The following FAM83E variants were observed in gnomAD, a reference collection of about 807,000 sequenced individuals.
FAM83E encodes protein FAM83E.
A neutral mutation model predicts 34.3 loss-of-function variants in FAM83E; 29 were observed. The ratio of observed to expected loss-of-function variants is 0.85; its 90% CI spans 0.63 to 1.15. The LOEUF is 1.15. Ranked by LOEUF, FAM83E falls within the 50% of genes most tolerant of loss-of-function variation. FAM83E has a pLI of 0.00. For synonymous variants in FAM83E, 312 were observed against 311.6 expected (o/e 1.00, Z -0.01); for missense variants, 697 against 685.0 (o/e 1.02, Z -0.20).
At chr19:48,602,821 ATTGT>A (rs918492265) in intron 6 of FAM83E, among the ~76,000 whole-genome samples, 17 of 65,310 alleles carry the variant, frequency 2.6e-4, no homozygotes, top group South Asian at 7.6e-4. Context: ...GTATTTATTT[ATTGT>A]TTATTATTAT....
At chr19:48,607,187 G>A (rs1261873164) in intron 5 of FAM83E, 1 of 1,613,112 alleles carries the variant, frequency 6.2e-7, no homozygotes, top group Non-Finnish European at 8.5e-7. Flanking sequence ...CGAGCCACCA[G>A]CTGCGGCCTT....
At chr19:48,606,904 C>G (rs1171380804) in intron 5 of FAM83E, 2 of 1,534,160 alleles carry the variant, frequency 1.3e-6, no homozygotes, top group Non-Finnish European at 1.7e-6. Flanking sequence ...CCTCAGAGGT[C>G]CTTCATTCAG....
In FAM83E at chr19:48,614,408, T is replaced by C. The variant is rs1050820853; in HGVS notation, c.-1036A>G. 4.2e-5 allele frequency: 41 copies of C among 985,386 alleles called. No individual in the cohort carries two copies. Among genetic ancestry groups the C allele is most frequent in the Non-Finnish European group, 4.8e-5 (40 of 830,076 alleles). The allele number at this position is 985,386 out of a possible 1,614,324, so 61.0% of individuals were successfully genotyped here. A position where few individuals can be genotyped will look rare whatever the true frequency, so the allele number is the denominator to read the frequency against. The stretch of plus-strand genomic sequence containing the variant: ...CCTACCCAAGCTGCCCCCAGCCTGG[T>C]TTCTGCCTAAATGCTATCTCCTGCC... On this transcript the variant is annotated 5_prime_UTR_variant, in exon 3 of 7. Transcript: ENST00000263266.
rs377136302 is a variant in FAM83E, at chr19:48,613,217, G to A, written c.156C>T (p.Arg52=). 1.5e-5 allele frequency: 24 copies of A among 1,610,844 alleles called. No homozygotes were observed. The highest frequency in any genetic ancestry group is 1.6e-4 in the Middle Eastern group (1 of 6,084). The change falls in exon 3 of 7, where the codon CGC becomes CGT. Residue 52 remains arginine (R), a synonymous_variant. Transcript: ENST00000263266. ...CACTGAGGAAGGGCCACAGCTCCTC[G>A]CGCTGCACGCAGGTCTGGAACGCCT... ...GAEAFQTCVQ[R]EELWPFLSAD...
Position 48,601,002 on chromosome 19 carries a change from G to A in FAM83E, c.*107C>T. 1 of 1,484,462 alleles carries A rather than the reference G, an allele frequency of 6.7e-7. No individual in the cohort carries two copies. The highest frequency in any genetic ancestry group is 8.9e-7 in the Non-Finnish European group (1 of 1,124,126). The allele number at this position is 1,484,462 out of a possible 1,614,324, so 92.0% of individuals were successfully genotyped here. A position where few individuals can be genotyped will look rare whatever the true frequency, so the allele number is the denominator to read the frequency against. ...ATCCCTTCTGCTTGACAGACGCCGA[G>A]GCCAGAAGCCTTGTCCAAGGCAGGG... On this transcript the variant is annotated 3_prime_UTR_variant, in exon 7 of 7. Coordinates refer to ENST00000263266, the MANE Select transcript of FAM83E (RefSeq NM_017708.4).
At chr19:48,611,515 T>A (rs1045905636) in intron 3 of FAM83E, among the ~76,000 whole-genome samples, 3 of 151,192 alleles carry the variant, frequency 2.0e-5, no homozygotes, top group Admixed American at 6.6e-5. Context: ...TTGCCCAGGC[T>A]GGAGTGCAGT....
rs1974098711 is a variant in FAM83E, at chr19:48,614,038, CCCA to C, written c.-669_-667del. On this transcript the variant is annotated 5_prime_UTR_variant, in exon 3 of 7. Coordinates refer to ENST00000263266, the MANE Select transcript of FAM83E (RefSeq NM_017708.4). ...CTGTCTCTGGCCAAATCTGACAGCC[CCCA>C]CGAGTTTCTCCTGCTCATCAGCTCT... 1 of 985,644 alleles carries C rather than the reference CCCA, an allele frequency of 1.0e-6. No homozygotes were observed. The highest frequency in any genetic ancestry group is 1.2e-6 in the Non-Finnish European group (1 of 830,114). The allele number at this position is 985,644 out of a possible 1,614,324, so 61.1% of individuals were successfully genotyped here.
intron 4 of FAM83E, among the ~76,000 whole-genome samples, chr19:48,610,398 CAAAAA>C (rs71179016): frequency 3.5e-3 from 111 of 31,354 alleles, no homozygotes; most frequent in Admixed American, 7.1e-3. Context: ...CACTCCGTCT[CAAAAA>C]AAAAAAAAAA....
Position 48,613,215 on chromosome 19 carries a change from T to TCGCGCTGCA in FAM83E, c.149_157dup (p.Val50_Arg52dup). ...CGCACTGAGGAAGGGCCACAGCTCC[T>TCGCGCTGCA]CGCGCTGCACGCAGGTCTGGAACGC... On this transcript the variant is annotated inframe_insertion, in exon 3 of 7. Transcript: ENST00000263266. 1.2e-6 allele frequency: 2 copies of TCGCGCTGCA among 1,611,124 alleles called. No individual in the cohort carries two copies. The highest frequency in any genetic ancestry group is 1.7e-6 in the Non-Finnish European group (2 of 1,179,918).
chr19:48,603,783 G>C lies in FAM83E; in HGVS notation c.887C>G (p.Pro296Arg), dbSNP rs778081953. The C allele has an allele frequency of 5.7e-6, 9 of 1,591,680 alleles. 1 individual carries two copies. Among genetic ancestry groups the C allele is most frequent in the African/African-American group, 5.5e-5 (4 of 72,788 alleles). Reference sequence around the variant, plus strand: ...GCCACCTATGACCGAGGGTTTCTGGGGGGGCGCAGGTGGGAGCGGGCAGGA... The same window carrying C: ...GCCACCTATGACCGAGGGTTTCTGGCGGGGCGCAGGTGGGAGCGGGCAGGA... ...AASCPLPPAP[P>R]QKPSVIGGLQ... Residue 296 changes from proline (P) to arginine (R), a missense_variant, in exon 6 of 7, where the codon CCC (proline) becomes CGC (arginine). Physicochemically the swap from Pro to Arg is moderately radical, Grantham distance 103. Coordinates refer to ENST00000263266, the MANE Select transcript of FAM83E (RefSeq NM_017708.4).
intron 6 of FAM83E, 39 bp from the exon 7 acceptor site, chr19:48,601,408 G>T (rs767165830): frequency 5.2e-6 from 8 of 1,551,372 alleles, no homozygotes; most frequent in Non-Finnish European, 7.0e-6. Flanking sequence ...GGAGGCTGGG[G>T]TGGGGCCCTG....
At chr19:48,606,762 T>C in intron 5 of FAM83E, 6 of 594,786 alleles carry the variant, frequency 1.0e-5, no homozygotes, top group Non-Finnish European at 1.8e-5. Flanking sequence ...CAGACTCTTG[T>C]TGGGCAGCAG....
intron 4 of FAM83E, 73 bp from the exon 5 acceptor site, chr19:48,610,073 G>A (rs1293568428): frequency 1.3e-6 from 2 of 1,554,082 alleles, no homozygotes; most frequent in Admixed American, 3.6e-5. Flanking sequence ...CTCCAGACTG[G>A]TTCTAACTGG....
In FAM83E at chr19:48,602,703, AAATATATATATATATATATATAT is replaced by A. The variant is rs1306699075; in HGVS notation, c.1176+768_1176+790del. Among the ~76,000 whole-genome samples, 31 of 44,842 alleles carry A rather than the reference AAATATATATATATATATATATAT, an allele frequency of 6.9e-4. 6 individuals carry two copies. The highest frequency in any genetic ancestry group is 3.4e-3 in the African/African-American group (28 of 8,352). The allele number at this position is 44,842 out of a possible 152,430, so 29.4% of individuals were successfully genotyped here. A position where few individuals can be genotyped will look rare whatever the true frequency, so the allele number is the denominator to read the frequency against. ...CCCTATCTCAAAAAAAAAAAAAAAAAAATATATATATATATATATATATATATATATATATATATATATATATA... is the reference window on the plus strand; with the variant it reads ...CCCTATCTCAAAAAAAAAAAAAAAAAATATATATATATATATATATATATA... On this transcript the variant is annotated intron_variant, in intron 6 of 6. Transcript: ENST00000263266.
In FAM83E at chr19:48,609,869, G is replaced by C. The variant is rs1280861425; in HGVS notation, c.758+7C>G. 1.9e-6 allele frequency: 3 copies of C among 1,611,982 alleles called. No homozygotes were observed. Among genetic ancestry groups the C allele is most frequent in the Non-Finnish European group, 2.5e-6 (3 of 1,179,708 alleles). ...CCGGGAGGTGGGGGGCGGGGCGGGG[G>C]CTACACCTGTAGGATCCTGAGATGA... On this transcript the variant is annotated splice_region_variant and intron_variant, in intron 5 of 6. Transcript: ENST00000263266.
intron 6 of FAM83E, 35 bp from the exon 7 acceptor site, chr19:48,601,404 TG>T: frequency 6.4e-7 from 1 of 1,552,076 alleles, no homozygotes; most frequent in Non-Finnish European, 8.7e-7. Flanking sequence ...GAGAGGAGGC[TG>T]GGGTGGGGCC....
Position 48,603,650 on chromosome 19 carries a change from G to A in FAM83E, c.1020C>T (p.Arg340=), listed in dbSNP as rs779681846. Residue 340 remains arginine, a synonymous_variant, in exon 6 of 7, where the codon CGC becomes CGT. Coordinates refer to ENST00000263266, the MANE Select transcript of FAM83E (RefSeq NM_017708.4). ...GPLAHRLAAC[R]VSPATPGPAL... is the part of the protein sequence containing the mutation. Reference sequence around the variant, plus strand: ...CCGGCCCCGGGGTAGCAGGGGAGACGCGGCAGGCGGCCAGGCGGTGGGCCA... The same window carrying A: ...CCGGCCCCGGGGTAGCAGGGGAGACACGGCAGGCGGCCAGGCGGTGGGCCA... 23 of 1,329,812 alleles carry A rather than the reference G, an allele frequency of 1.7e-5. No individual in the cohort carries two copies. The highest frequency in any genetic ancestry group is 2.2e-5 in the South Asian group (1 of 44,802). The allele number at this position is 1,329,812 out of a possible 1,614,324, so 82.4% of individuals were successfully genotyped here. A position where few individuals can be genotyped will look rare whatever the true frequency, so the allele number is the denominator to read the frequency against.
chr19:48,609,384 T>C (rs1455427834), intron 5 of FAM83E, among the ~76,000 whole-genome samples: 2 of 146,594 alleles, frequency 1.4e-5, no homozygotes, highest in South Asian at 4.7e-4. Context: ...CAAGCAATTC[T>C]CCTGCCTCAA....
chr19:48,603,460 G>A (rs1601122829), intron 6 of FAM83E, 34 bp downstream of exon 6: 3 of 1,504,564 alleles, frequency 2.0e-6, no homozygotes, highest in East Asian at 2.6e-5. Context: ...CCCTTCCTGG[G>A]CTCCATCTTC....
Sources: gnomAD v4.1 joint callset for allele counts (sites outside exome capture counted in the v4.1 genomes callset) on GRCh38, gnomAD v4.1.1 for gene constraint, MANE v1.5 for transcripts, NCBI Gene and HGNC (gene_info 2026-07-23, HGNC 2026-07-21) for gene names.